Variants in SGPP2 observed in about 807,000 individuals in gnomAD.
SGPP2 encodes sphingosine 1-phosphate phosphohydrolase 2.
Under a neutral mutation model 33.9 loss-of-function variants are expected in SGPP2, and 30 were observed. The ratio of observed to expected loss-of-function variants is 0.89; its 90% CI spans 0.66 to 1.20. The LOEUF (loss-of-function observed/expected upper bound fraction) is 1.20, where lower values mean the gene tolerates loss of function less well. SGPP2 is among the 50% of genes most tolerant of loss of function. SGPP2 has a pLI of 0.00. For missense variants in SGPP2, 458 were observed against 532.1 expected, an observed-to-expected ratio of 0.86 and a Z score of 1.37; for synonymous variants, 233 against 225.0, an observed-to-expected ratio of 1.04 and a Z score of -0.32.
At chr2:222,486,050 G>A (rs1698101886) in intron 2 of SGPP2, among the ~76,000 whole-genome samples, 1 of 152,220 alleles carries the variant, frequency 6.6e-6, no homozygotes, top group African/African-American at 2.4e-5. Context: ...CGGCCTCAGG[G>A]AACTGGCCTT....
At chr2:222,532,410 A>G (rs1698852471) in intron 4 of SGPP2, among the ~76,000 whole-genome samples, 2 of 152,206 alleles carry the variant, frequency 1.3e-5, no homozygotes, top group Admixed American at 1.3e-4. Context: ...TCCTTGTCAG[A>G]TGTGGTTTGG....
rs764138721 is a variant in SGPP2, at chr2:222,558,902, TC to T, written c.*5del. ...CAGGTTTCTGGGATTACCCTGAGTCTCAAACAGTTGGAAACTAGCCCACTGG... is the reference window on the plus strand; with the variant it reads ...CAGGTTTCTGGGATTACCCTGAGTCTAAACAGTTGGAAACTAGCCCACTGG... On this transcript the variant is annotated 3_prime_UTR_variant, in exon 5 of 5. Coordinates refer to ENST00000321276, the MANE Select transcript of SGPP2 (RefSeq NM_152386.4). 3 of 1,597,626 alleles carry T rather than the reference TC, an allele frequency of 1.9e-6. No homozygotes were observed. The Admixed American group carries it at 5.0e-5, about 27-fold the overall frequency.
At chr2:222,528,906 C>T (rs1030791487) in intron 4 of SGPP2, among the ~76,000 whole-genome samples, 3 of 152,078 alleles carry the variant, frequency 2.0e-5, no homozygotes, top group Admixed American at 6.5e-5. Context: ...CATGAGCCAG[C>T]GTGTCCTGTT....
chr2:222,473,456 T>C (rs577853519), intron 1 of SGPP2, among the ~76,000 whole-genome samples: 14 of 152,202 alleles, frequency 9.2e-5, no homozygotes, highest in Non-Finnish European at 2.1e-4. Context: ...AAAATTCTTG[T>C]GATTAGGTTG....
At chr2:222,525,573 A>G (rs181280150) in intron 4 of SGPP2, among the ~76,000 whole-genome samples, 2 of 152,286 alleles carry the variant, frequency 1.3e-5, no homozygotes, top group Non-Finnish European at 2.9e-5. Context: ...CCCTTTTACC[A>G]TATTAGAAAT....
At chr2:222,510,056 T>C (rs1698502589) in intron 2 of SGPP2, among the ~76,000 whole-genome samples, 1 of 152,258 alleles carries the variant, frequency 6.6e-6, no homozygotes, top group South Asian at 2.1e-4. Context: ...TCTTTCTTTC[T>C]ATGGCCAAAT....
At chr2:222,458,016 C>T (rs903711177) in intron 1 of SGPP2, among the ~76,000 whole-genome samples, 7 of 152,032 alleles carry the variant, frequency 4.6e-5, no homozygotes, top group African/African-American at 7.2e-5. Flanking sequence ...TTCTAGGAGC[C>T]GATGACCATT....
intron 1 of SGPP2, among the ~76,000 whole-genome samples, chr2:222,437,460 C>G (rs1191066014): frequency 6.6e-6 from 1 of 152,200 alleles, no homozygotes. Context: ...ATCTGTGAAC[C>G]AGGCCCTAGT....
chr2:222,517,839 G>A (rs1413341024), intron 2 of SGPP2, among the ~76,000 whole-genome samples: 1 of 152,262 alleles, frequency 6.6e-6, no homozygotes, highest in Non-Finnish European at 1.5e-5. Flanking sequence ...TGCACGTCCT[G>A]TGAAGGGGGT....
At chr2:222,512,728 A>G (rs1402566706) in intron 2 of SGPP2, among the ~76,000 whole-genome samples, 1 of 152,208 alleles carries the variant, frequency 6.6e-6, no homozygotes, top group African/African-American at 2.4e-5. Flanking sequence ...GGAATCATAC[A>G]GTACGTTCCC....
chr2:222,487,179 G>A (rs1698124368), intron 2 of SGPP2, among the ~76,000 whole-genome samples: 2 of 152,120 alleles, frequency 1.3e-5, no homozygotes, highest in South Asian at 4.1e-4. Flanking sequence ...ATCAAAGGAT[G>A]GTTTGTTCCT....
intron 1 of SGPP2, among the ~76,000 whole-genome samples, chr2:222,440,462 C>A (rs567862787): frequency 1.5e-4 from 23 of 151,976 alleles, no homozygotes; most frequent in Non-Finnish European, 2.6e-4. Context: ...CCTGCCTTAG[C>A]CTCCCGAGTA....
In SGPP2 at chr2:222,558,978, C is replaced by A; in HGVS notation, c.*80C>A. The A allele has an allele frequency of 2.1e-6, 3 of 1,399,732 alleles. No individual in the cohort carries two copies. Among genetic ancestry groups the A allele is most frequent in the South Asian group, 2.7e-5 (2 of 73,532 alleles). The allele number at this position is 1,399,732 out of a possible 1,614,324, so 86.7% of individuals were successfully genotyped here. On this transcript the variant is annotated 3_prime_UTR_variant, in exon 5 of 5. Coordinates refer to ENST00000321276, the MANE Select transcript of SGPP2 (RefSeq NM_152386.4). Reference sequence around the variant, plus strand: ...GTTATTGGTAGGCAAATCTTGACAACTTATTTTTCTTTAACAACAACAAAA... The same window carrying A: ...GTTATTGGTAGGCAAATCTTGACAAATTATTTTTCTTTAACAACAACAAAA...
chr2:222,455,621 G>A (rs1335755093), intron 1 of SGPP2, among the ~76,000 whole-genome samples: 1 of 152,164 alleles, frequency 6.6e-6, no homozygotes, highest in Non-Finnish European at 1.5e-5. Flanking sequence ...ATTGATTCTT[G>A]ATTTTCATTT....
At chr2:222,471,573 A>C (rs1697843489) in intron 1 of SGPP2, among the ~76,000 whole-genome samples, 1 of 152,146 alleles carries the variant, frequency 6.6e-6, no homozygotes. Context: ...GGCTCTTCCA[A>C]GTATGCTTAG....
intron 1 of SGPP2, 51 bp downstream of exon 1, chr2:222,424,872 G>C: frequency 1.6e-6 from 2 of 1,260,380 alleles, no homozygotes; most frequent in Non-Finnish European, 2.0e-6. Context: ...GGCTGCGGAC[G>C]TGCGGGTCCC....
At chr2:222,497,250 C>CTTTT (rs57363978) in intron 2 of SGPP2, among the ~76,000 whole-genome samples, 76 of 118,400 alleles carry the variant, frequency 6.4e-4, no homozygotes, top group Middle Eastern at 4.2e-3. Context: ...TCTCTTTCTT[C>CTTTT]TTTTTTTTTT....
At chr2:222,508,047 G>A (rs1243427571) in intron 2 of SGPP2, among the ~76,000 whole-genome samples, 1 of 152,158 alleles carries the variant, frequency 6.6e-6, no homozygotes, top group Non-Finnish European at 1.5e-5. Flanking sequence ...ATTTGGATGT[G>A]ATGTCCATCT....
At chr2:222,429,914 T>G (rs1023576008) in intron 1 of SGPP2, among the ~76,000 whole-genome samples, 1 of 152,188 alleles carries the variant, frequency 6.6e-6, no homozygotes, top group African/African-American at 2.4e-5. Flanking sequence ...TCTTTAATCT[T>G]TGGAGAAAAT....
Sources: allele counts gnomAD v4.1 joint callset (sites outside exome capture counted in the v4.1 genomes callset), GRCh38; gene constraint gnomAD v4.1.1; transcripts MANE v1.5; gene names NCBI Gene and HGNC (gene_info 2026-07-23, HGNC 2026-07-21).